USH2A: variants seen among roughly 807,000 people sequenced by gnomAD.
USH2A encodes usherin.
A neutral mutation model predicts 538.9 loss-of-function variants in USH2A; 443 were observed. That is an observed-to-expected ratio of 0.82 (90% CI 0.76 to 0.89). The LOEUF (loss-of-function observed/expected upper bound fraction) is 0.89, where lower values mean the gene tolerates loss of function less well. Among genes scored for constraint, USH2A ranks in the 40% least tolerant of loss-of-function variants. USH2A has a pLI of 0.00. For synonymous variants in USH2A, 2,413 were observed against 2,273.5 expected (o/e 1.06, Z -1.75); for missense variants, 6,633 against 6,324.8 (o/e 1.05, Z -1.65).
At chr1:216,270,859 G>A (rs926334401) in intron 11 of USH2A, among the ~76,000 whole-genome samples, 2 of 152,004 alleles carry the variant, frequency 1.3e-5, no homozygotes, top group African/African-American at 4.8e-5. Flanking sequence ...ACAGGCATGA[G>A]CCACTGTGCC....
chr1:216,230,928 T>C (rs1233345663), intron 14 of USH2A, among the ~76,000 whole-genome samples: 2 of 150,870 alleles, frequency 1.3e-5, no homozygotes, highest in Non-Finnish European at 3.0e-5. Context: ...AGACACAGAA[T>C]TGGCATTATA....
intron 21 of USH2A, among the ~76,000 whole-genome samples, chr1:216,126,736 T>C (rs2033261924): frequency 6.6e-6 from 1 of 152,180 alleles, no homozygotes; most frequent in African/African-American, 2.4e-5. Flanking sequence ...ATAATATATT[T>C]GATCCATGAT....
intron 62 of USH2A, among the ~76,000 whole-genome samples, chr1:215,679,706 G>A (rs1208216403): frequency 6.6e-6 from 1 of 152,316 alleles, no homozygotes; most frequent in South Asian, 2.1e-4. Flanking sequence ...AATGAGCTCT[G>A]TTTGAAGCAT....
At chr1:216,245,823 C>T (rs1387385469) in intron 13 of USH2A, among the ~76,000 whole-genome samples, 2 of 152,164 alleles carry the variant, frequency 1.3e-5, no homozygotes, top group African/African-American at 4.8e-5. Context: ...GCAAATCACA[C>T]TTTTGAGTTG....
At chr1:216,049,953 A>C (rs1415231280) in intron 30 of USH2A, among the ~76,000 whole-genome samples, 1 of 152,184 alleles carries the variant, frequency 6.6e-6, no homozygotes, top group Non-Finnish European at 1.5e-5. Context: ...AAGCCAACGA[A>C]CTAATATACA....
chr1:215,968,578 C>A (rs1667415392), intron 36 of USH2A, among the ~76,000 whole-genome samples: 1 of 151,970 alleles, frequency 6.6e-6, no homozygotes, highest in Non-Finnish European at 1.5e-5. Context: ...GGAGGATGAA[C>A]CATATCATAT....
chr1:216,266,555 T>C (rs2036476805), intron 11 of USH2A, among the ~76,000 whole-genome samples: 1 of 151,982 alleles, frequency 6.6e-6, no homozygotes, highest in Non-Finnish European at 1.5e-5. Context: ...AGCTATTGAG[T>C]AATATAGTTC....
At chr1:215,940,106 C>A (rs946318606) in intron 37 of USH2A, among the ~76,000 whole-genome samples, 2 of 152,050 alleles carry the variant, frequency 1.3e-5, no homozygotes, top group Non-Finnish European at 2.9e-5. Context: ...CTTGTTACCT[C>A]GTGAGGATTT....
At chr1:216,287,812 C>G (rs1205171585) in intron 11 of USH2A, among the ~76,000 whole-genome samples, 2 of 152,120 alleles carry the variant, frequency 1.3e-5, no homozygotes, top group African/African-American at 4.8e-5. Flanking sequence ...GGGAGAAAAA[C>G]TGTTCTGCAA....
chr1:215,717,650 G>A (rs759747739), intron 61 of USH2A, among the ~76,000 whole-genome samples: 1 of 152,196 alleles, frequency 6.6e-6, no homozygotes, highest in Non-Finnish European at 1.5e-5. Context: ...ATTCTCAAAA[G>A]AGAAATATGG....
chr1:216,125,437 A>C (rs1254146055), intron 21 of USH2A, among the ~76,000 whole-genome samples: 2 of 152,182 alleles, frequency 1.3e-5, no homozygotes, highest in African/African-American at 2.4e-5. Flanking sequence ...AGTAAGATGA[A>C]ATCAGATGCA....
chr1:216,169,237 A>G (rs1291809857), intron 21 of USH2A, among the ~76,000 whole-genome samples: 2 of 152,134 alleles, frequency 1.3e-5, no homozygotes, highest in Non-Finnish European at 2.9e-5. Context: ...TGATGGACAA[A>G]AACAGATGCT....
Position 215,943,022 on chromosome 1 carries a change from A to G in USH2A, c.7121-8227T>C, listed in dbSNP as rs188110508. Among the ~76,000 whole-genome samples the G allele has an allele frequency of 1.8e-3, 274 of 152,294 alleles. 1 individual carries two copies. The highest frequency in any genetic ancestry group is 6.4e-3 in the African/African-American group (266 of 41,584). On this transcript the variant is annotated intron_variant, in intron 37 of 71. Coordinates refer to ENST00000307340, the MANE Select transcript of USH2A (RefSeq NM_206933.4). ...AGAATTCTGCCCAGTGCATCTTCGCACCCTCTAGCAACACCTAGTGCTCAA... is the reference window on the plus strand; with the variant it reads ...AGAATTCTGCCCAGTGCATCTTCGCGCCCTCTAGCAACACCTAGTGCTCAA...
At chr1:215,862,479 G>A (rs1045826969) in intron 44 of USH2A, among the ~76,000 whole-genome samples, 1 of 151,928 alleles carries the variant, frequency 6.6e-6, no homozygotes, top group African/African-American at 2.4e-5. Flanking sequence ...CGAGTTAATG[G>A]GTGCAGCACA....
chr1:215,953,154 G>C (rs889419764), intron 37 of USH2A, among the ~76,000 whole-genome samples: 1 of 152,098 alleles, frequency 6.6e-6, no homozygotes, highest in Non-Finnish European at 1.5e-5. Context: ...GTAATTTATA[G>C]ATTCAATGCC....
intron 56 of USH2A, 134 bp downstream of exon 56, chr1:215,766,547 C>T (rs1661133591): frequency 3.6e-6 from 3 of 842,728 alleles, no homozygotes; most frequent in Admixed American, 3.9e-5. Flanking sequence ...GAATGGGAAC[C>T]TAGAATGCTA....
chr1:216,166,897 GC>G (rs1259948493), intron 21 of USH2A, among the ~76,000 whole-genome samples: 1 of 152,050 alleles, frequency 6.6e-6, no homozygotes, highest in Non-Finnish European at 1.5e-5. Context: ...CCCCAAGGAT[GC>G]CCCTTTTTTG....
chr1:215,635,195 G>T (rs374690522), intron 69 of USH2A, among the ~76,000 whole-genome samples: 1 of 152,116 alleles, frequency 6.6e-6, no homozygotes, highest in Non-Finnish European at 1.5e-5. Flanking sequence ...CTGATACTTC[G>T]TGCAAACTGG....
rs1009849910 is a variant in USH2A, at chr1:215,965,614, C to T, written c.6958-135G>A. On this transcript the variant is annotated intron_variant, in intron 36 of 71. Transcript: ENST00000307340. ...ACAGTAGCATCTTGTATGAATACCT[C>T]ATTTTGTCAGCAGGATCAAAGCACA... 1.6e-5 allele frequency: 16 copies of T among 990,564 alleles called. No individual in the cohort carries two copies. In the Admixed American group the frequency reaches 2.0e-4, roughly 13 times the overall value. 61.4% of individuals were successfully genotyped at this position (990,564 alleles called of 1,614,324 possible).
Sources: allele counts gnomAD v4.1 joint callset (sites outside exome capture counted in the v4.1 genomes callset), GRCh38; gene constraint gnomAD v4.1.1; transcripts MANE v1.5; gene names NCBI Gene and HGNC (gene_info 2026-07-23, HGNC 2026-07-21).